Variants in SPI1 observed in about 807,000 individuals in gnomAD.
The protein encoded by SPI1 is Spi-1 proto-oncogene.
In SPI1, 3 loss-of-function variants were observed where a neutral mutation model predicts 30.7. The ratio of observed to expected loss-of-function variants is 0.10; its 90% CI spans 0.04 to 0.25. SPI1 has a LOEUF of 0.25. SPI1 is among the 10% of genes least tolerant of loss of function. SPI1 has a pLI of 1.00. For missense variants in SPI1, 261 were observed against 371.5 expected (o/e 0.70, Z 2.45); for synonymous variants, 169 against 157.1 (o/e 1.08, Z -0.56).
intron 2 of SPI1, among the ~76,000 whole-genome samples, chr11:47,368,702 G>C (rs1350280926): frequency 6.6e-6 from 1 of 152,192 alleles, no homozygotes; most frequent in Non-Finnish European, 1.5e-5. Flanking sequence ...CTCATGCGGG[G>C]TACCTAGAAT....
chr11:47,359,613 G>A lies in SPI1; in HGVS notation c.330+240C>T, dbSNP rs1258351940. Among the ~76,000 whole-genome samples the A allele has an allele frequency of 2.0e-5, 3 of 152,018 alleles. No individual in the cohort carries two copies. The highest frequency in any genetic ancestry group is 2.9e-5 in the Non-Finnish European group (2 of 67,988). The stretch of plus-strand genomic sequence containing the variant: ...ACAAGGCGTTGGGATGGGGAGGCTT[G>A]GTGAGGGTGCGAGAATTATCTGGGG... On this transcript the variant is annotated intron_variant, in intron 3 of 4. Coordinates refer to ENST00000378538, the MANE Select transcript of SPI1 (RefSeq NM_003120.3). This position sits in a 1 kb window ranked among gnomAD's most constrained non-coding sequence, Gnocchi z 5.1.
rs1595857287 is a variant in SPI1 at position 47,359,656 on chromosome 11, T to G, written c.330+197A>C. 2.1e-5 allele frequency among the ~76,000 whole-genome samples: 3 copies of G among 142,454 alleles called. No homozygotes were observed. The highest frequency in any genetic ancestry group is 2.0e-4 in the East Asian group (1 of 4,894). 93.5% of individuals were successfully genotyped at this position (142,454 alleles called of 152,430 possible). The stretch of plus-strand genomic sequence containing the variant: ...ATCTGGGGTCTGTCCATACTCGGGG[T>G]GAGATGAGATAAGGGGTGTGGGGTC... On this transcript the variant is annotated intron_variant, in intron 3 of 4. Coordinates refer to ENST00000378538, the MANE Select transcript of SPI1 (RefSeq NM_003120.3). This position sits in a 1 kb window ranked among gnomAD's most constrained non-coding sequence, Gnocchi z 5.1.
intron 2 of SPI1, among the ~76,000 whole-genome samples, chr11:47,368,760 G>C (rs1410504179): frequency 6.6e-6 from 1 of 152,076 alleles, no homozygotes; most frequent in Admixed American, 6.5e-5. Flanking sequence ...GCCAGAGGCT[G>C]GGGGGAGGGA....
chr11:47,358,043 ATCCAC>A (rs1016054273), intron 4 of SPI1: 4 of 163,850 alleles, frequency 2.4e-5, no homozygotes, highest in Admixed American at 2.3e-4. Flanking sequence ...TAAAACACAT[ATCCAC>A]TCACATACAT....
chr11:47,356,522 GCTCAC>G (rs2095909798), intron 4 of SPI1, among the ~76,000 whole-genome samples: 1 of 15,124 alleles, frequency 6.6e-5, no homozygotes, highest in African/African-American at 3.7e-4. Context: ...ACTCACACCT[GCTCAC>G]ACACACCTCA....
Position 47,378,441 on chromosome 11 carries a change from G to A in SPI1, c.-88C>T. The A allele has an allele frequency of 1.4e-6, 2 of 1,452,722 alleles. No homozygotes were observed. Among genetic ancestry groups the A allele is most frequent in the Non-Finnish European group, 9.5e-7 (1 of 1,057,044 alleles). The allele number at this position is 1,452,722 out of a possible 1,614,324, so 90.0% of individuals were successfully genotyped here. On this transcript the variant is annotated 5_prime_UTR_variant, in exon 1 of 5. Coordinates refer to ENST00000378538, the MANE Select transcript of SPI1 (RefSeq NM_003120.3). The stretch of plus-strand genomic sequence containing the variant: ...GGATGGGGTGCCCCGTCAGGGGCTG[G>A]ACGGTCGTGGGGCGGGTGCAGGGCT...
In SPI1 at chr11:47,359,982, C is replaced by T. The variant is rs1249261264; in HGVS notation, c.201G>A (p.Glu67=). Residue 67 remains glutamate (E), a synonymous_variant, in exon 3 of 5, where the codon GAG becomes GAA. Transcript: ENST00000378538. This position sits in a 1 kb window ranked among gnomAD's most constrained non-coding sequence, Gnocchi z 5.1. ...HVHSEFESFA[E]NNFTELQSVQ... is the part of the protein sequence containing the mutation. ...CGCTCTGGAGCTCCGTGAAGTTGTTCTCGGCGAAGCTCTCGAACTCGCTGT... is the reference window on the plus strand; with the variant it reads ...CGCTCTGGAGCTCCGTGAAGTTGTTTTCGGCGAAGCTCTCGAACTCGCTGT... 1.2e-6 allele frequency: 2 copies of T among 1,606,850 alleles called. No individual in the cohort carries two copies. The highest frequency in any genetic ancestry group is 1.7e-6 in the Non-Finnish European group (2 of 1,176,188).
intron 4 of SPI1, chr11:47,358,427 C>T: frequency 1.6e-6 from 1 of 632,418 alleles, no homozygotes; most frequent in East Asian, 2.7e-5. Flanking sequence ...GAAATACATT[C>T]ATGTGTTGAC....
At chr11:47,368,515 G>T (rs143649197) in intron 2 of SPI1, among the ~76,000 whole-genome samples, 1 of 152,322 alleles carries the variant, frequency 6.6e-6, no homozygotes, top group African/African-American at 2.4e-5. Context: ...AGTGTCGGAC[G>T]GCTGGATACG....
chr11:47,356,883 T>C (rs1217994438), intron 4 of SPI1, among the ~76,000 whole-genome samples: 1 of 145,822 alleles, frequency 6.9e-6, no homozygotes, highest in Non-Finnish European at 1.5e-5. Context: ...ATTACTCAGC[T>C]ACACACACAC....
intron 2 of SPI1, among the ~76,000 whole-genome samples, chr11:47,370,287 C>A (rs1331782383): frequency 6.6e-6 from 1 of 151,944 alleles, no homozygotes; most frequent in Non-Finnish European, 1.5e-5. Context: ...CCTGTAATCC[C>A]AGCTACCCAG....
At chr11:47,355,990 C>G (rs963012000) in intron 4 of SPI1, among the ~76,000 whole-genome samples, 1 of 150,814 alleles carries the variant, frequency 6.6e-6, no homozygotes, top group Non-Finnish European at 1.5e-5. Flanking sequence ...CACACACGCT[C>G]ACACGTACAA....
At chr11:47,370,429 C>T (rs542321247) in intron 2 of SPI1, among the ~76,000 whole-genome samples, 1 of 149,118 alleles carries the variant, frequency 6.7e-6, no homozygotes, top group Non-Finnish European at 1.5e-5. Flanking sequence ...AAAGGCCAGG[C>T]ATGGTGGCTC....
intron 2 of SPI1, 141 bp from the exon 3 acceptor site, chr11:47,360,181 T>A: frequency 1.4e-6 from 1 of 720,694 alleles, no homozygotes; most frequent in Non-Finnish European, 2.2e-6. Flanking sequence ...ATGGTTACTC[T>A]AGGCCTGCAT....
At chr11:47,356,856 GCT>G (rs2095910869) in intron 4 of SPI1, among the ~76,000 whole-genome samples, 1 of 146,688 alleles carries the variant, frequency 6.8e-6, no homozygotes, top group African/African-American at 2.5e-5. Flanking sequence ...GCACACACCT[GCT>G]CACACACATC....
At chr11:47,370,378 G>A (rs2095934039) in intron 2 of SPI1, among the ~76,000 whole-genome samples, 1 of 145,596 alleles carries the variant, frequency 6.9e-6, no homozygotes. Flanking sequence ...CTGCAGCCTG[G>A]GCAACACAGA....
Position 47,375,794 on chromosome 11 carries a change from C to T in SPI1, c.46-65G>A, listed in dbSNP as rs1038489678. On this transcript the variant is annotated intron_variant, in intron 1 of 4. Transcript: ENST00000378538. This position sits in a 1 kb window ranked among gnomAD's most constrained non-coding sequence, Gnocchi z 4.2. ...GAGACCCCAGCCAGGCCTGCAGCAC[C>T]CCCGCACGCTGGGTCCCCATCACCT... The T allele has an allele frequency of 3.0e-6, 4 of 1,316,614 alleles. No homozygotes were observed. In the Admixed American group the frequency reaches 6.7e-5, roughly 22 times the overall value. 81.6% of individuals were successfully genotyped at this position (1,316,614 alleles called of 1,614,324 possible). A position where few individuals can be genotyped will look rare whatever the true frequency, so the allele number is the denominator to read the frequency against.
At position 47,355,446 on chromosome 11, in the gene SPI1, G is replaced by A. The variant is rs1352348607; in HGVS notation, c.594C>T (p.Thr198=). Residue 198 remains threonine, a synonymous_variant, in exon 5 of 5, where the codon ACC becomes ACT. Coordinates refer to ENST00000378538, the MANE Select transcript of SPI1 (RefSeq NM_003120.3). ...SIWWVDKDKG[T]FQFSSKHKEA... ...CCTTGTGCTTGGACGAGAACTGGAAGGTGCCCTTGTCCTTGTCCACCCACC... is the reference window on the plus strand; with the variant it reads ...CCTTGTGCTTGGACGAGAACTGGAAAGTGCCCTTGTCCTTGTCCACCCACC... 6.2e-7 allele frequency: 1 copy of A among 1,613,710 alleles called. No individual in the cohort carries two copies. The highest frequency in any genetic ancestry group is 1.1e-5 in the South Asian group (1 of 91,066).
chr11:47,369,560 G>GAGA (rs113307275), intron 2 of SPI1, among the ~76,000 whole-genome samples: 39,962 of 137,382 alleles, frequency 0.29, 6,219 homozygotes, highest in Middle Eastern at 0.38. Context: ...GAGAGAGAGA[G>GAGA]AAAAAAAAAA....
Sources: gnomAD v4.1 joint callset for allele counts (sites outside exome capture counted in the v4.1 genomes callset) on GRCh38, gnomAD v4.1.1 for gene constraint, Gnocchi (gnomAD v3.1) non-coding constraint, MANE v1.5 for transcripts, NCBI Gene and HGNC (gene_info 2026-07-23, HGNC 2026-07-21) for gene names.